LRRFIP1: variants seen among roughly 807,000 people sequenced by gnomAD.
The protein encoded by LRRFIP1 is leucine-rich repeat flightless-interacting protein 1.
LRRFIP1 carries 62 observed loss-of-function variants against 104.4 expected under a neutral mutation model. That is an observed-to-expected ratio of 0.59 (90% CI 0.48 to 0.73). The LOEUF is 0.73. Among genes scored for constraint, LRRFIP1 ranks in the 30% least tolerant of loss-of-function variants. LRRFIP1 has a pLI of 0.00. For synonymous variants in LRRFIP1, 300 were observed against 299.0 expected (o/e 1.00, Z -0.03); for missense variants, 796 against 824.5 (o/e 0.97, Z 0.42).
In LRRFIP1 at chr2:237,676,331, GTCCTTTT is replaced by G. The variant is rs2091157129; in HGVS notation, c.97-32211_97-32205del. 2.5e-4 allele frequency among the ~76,000 whole-genome samples: 38 copies of G among 152,198 alleles called. No individual in the cohort carries two copies. In the South Asian group the frequency reaches 7.5e-3, roughly 30 times the overall value. On this transcript the variant is annotated intron_variant, in intron 1 of 23. Coordinates refer to ENST00000308482, the MANE Select transcript of LRRFIP1 (RefSeq NM_001137550.2). ...GCATGACACCAGCCTGCCTTCTTTCGTCCTTTTTAAAAAATTAGACCAGAAACTGTTG... is the reference window on the plus strand; with the variant it reads ...GCATGACACCAGCCTGCCTTCTTTCGTAAAAAATTAGACCAGAAACTGTTG...
intron 6 of LRRFIP1, chr2:237,721,062 T>G: frequency 2.1e-6 from 1 of 475,684 alleles, no homozygotes; most frequent in Middle Eastern, 3.1e-4. Context: ...AGTCATCTTT[T>G]TTTCAATACT....
At chr2:237,659,700 C>T (rs952524296) in intron 1 of LRRFIP1, among the ~76,000 whole-genome samples, 15 of 151,290 alleles carry the variant, frequency 9.9e-5, no homozygotes, top group Middle Eastern at 3.5e-3. Flanking sequence ...TAGAGTACAG[C>T]GGTGCGATCA....
chr2:237,745,231 G>A (rs549673860), intron 11 of LRRFIP1, among the ~76,000 whole-genome samples: 224 of 152,342 alleles, frequency 1.5e-3, no homozygotes, highest in African/African-American at 3.2e-3. Context: ...GGCTTTCCAC[G>A]GGGCTGAATA....
intron 1 of LRRFIP1, chr2:237,692,389 C>T: frequency 7.1e-7 from 1 of 1,408,924 alleles, no homozygotes; most frequent in Non-Finnish European, 9.3e-7. Context: ...CTGGCCCGGC[C>T]CGCGAGGGGC....
At chr2:237,750,802 C>T (rs1332842237) in intron 13 of LRRFIP1, among the ~76,000 whole-genome samples, 1 of 152,116 alleles carries the variant, frequency 6.6e-6, no homozygotes, top group Non-Finnish European at 1.5e-5. Flanking sequence ...AGACTTGGAG[C>T]TCCATAAATG....
chr2:237,748,895 A>G (rs1028409062), intron 12 of LRRFIP1, among the ~76,000 whole-genome samples: 1 of 152,210 alleles, frequency 6.6e-6, no homozygotes, highest in African/African-American at 2.4e-5. Flanking sequence ...ACAGTTCCGC[A>G]TGGCTGGGGA....
intron 21 of LRRFIP1, 72 bp from the exon 22 acceptor site, chr2:237,772,794 C>A: frequency 2.0e-6 from 2 of 1,018,370 alleles, no homozygotes; most frequent in South Asian, 1.3e-5. Flanking sequence ...GGGCTTGGTT[C>A]CCAGTAACTA....
chr2:237,667,233 G>A (rs2089559795), intron 1 of LRRFIP1, among the ~76,000 whole-genome samples: 1 of 152,130 alleles, frequency 6.6e-6, no homozygotes, highest in Admixed American at 6.5e-5. Flanking sequence ...CTGTGACCAT[G>A]TGCTTTCACT....
At position 237,692,045 on chromosome 2, in the gene LRRFIP1, G is replaced by C. The variant is rs1469208871; in HGVS notation, c.97-16499G>C. ...GACCCTCCGAGGCGGAGCGGCGCAG[G>C]GGGGCGGGGAAGGCGGGTCATGGGG... On this transcript the variant is annotated intron_variant, in intron 1 of 23. Transcript: ENST00000308482. The C allele has an allele frequency of 3.8e-4, 127 of 337,680 alleles. 1 individual carries two copies. Among genetic ancestry groups the C allele is most frequent in the East Asian group, 9.0e-4 (5 of 5,542 alleles). The allele number at this position is 337,680 out of a possible 1,614,324, so 20.9% of individuals were successfully genotyped here. A position where few individuals can be genotyped will look rare whatever the true frequency, so the allele number is the denominator to read the frequency against.
intron 8 of LRRFIP1, among the ~76,000 whole-genome samples, chr2:237,730,389 T>C (rs1327608461): frequency 6.6e-6 from 1 of 152,170 alleles, no homozygotes; most frequent in Non-Finnish European, 1.5e-5. Context: ...CTAAGGCTTG[T>C]TGGTGTTTGT....
chr2:237,738,972 G>A (rs1386050141), intron 10 of LRRFIP1, among the ~76,000 whole-genome samples: 1 of 152,228 alleles, frequency 6.6e-6, no homozygotes, highest in Non-Finnish European at 1.5e-5. Context: ...AATTGAACGG[G>A]TGCTTTGTGT....
At chr2:237,762,553 T>G (rs3739044) in intron 19 of LRRFIP1, 9 of 1,425,798 alleles carry the variant, frequency 6.3e-6, no homozygotes, top group Non-Finnish European at 8.6e-6. Context: ...ATGTAGATTA[T>G]GTGGCCGCCA....
Position 237,723,529 on chromosome 2 carries a change from G to A in LRRFIP1, c.346-19G>A, listed in dbSNP as rs1183890944. 6.3e-7 allele frequency: 1 copy of A among 1,587,794 alleles called. No individual in the cohort carries two copies. The highest frequency in any genetic ancestry group is 8.6e-7 in the Non-Finnish European group (1 of 1,165,510). Reference sequence around the variant, plus strand: ...CTCTTTGCTGTTGTTTTTTTTTTCTGCCATCTTTCTTCTGACAGTCGCAGC... The same window carrying A: ...CTCTTTGCTGTTGTTTTTTTTTTCTACCATCTTTCTTCTGACAGTCGCAGC... On this transcript the variant is annotated intron_variant, in intron 6 of 23. Coordinates refer to ENST00000308482, the MANE Select transcript of LRRFIP1 (RefSeq NM_001137550.2).
At chr2:237,712,982 G>A (rs565547988) in intron 2 of LRRFIP1, among the ~76,000 whole-genome samples, 2 of 152,308 alleles carry the variant, frequency 1.3e-5, no homozygotes, top group East Asian at 1.9e-4. Flanking sequence ...TGTAAAAATT[G>A]AGAAACCTGA....
rs752146212 is a variant in LRRFIP1 at position 237,661,674 on chromosome 2, C to A, written c.96+33934C>A. On this transcript the variant is annotated intron_variant, in intron 1 of 23. Transcript: ENST00000308482. The surrounding 1 kb of genome is among the most constrained non-coding windows in gnomAD (Gnocchi z 4.4). ...CAGAGCCATGCACGTTCCGAAAGCA[C>A]ATTCCAGGGGGACAGTTGTGTCCCT... 3.9e-5 allele frequency among the ~76,000 whole-genome samples: 6 copies of A among 152,232 alleles called. No homozygotes were observed. Among genetic ancestry groups the A allele is most frequent in the African/African-American group, 1.2e-4 (5 of 41,460 alleles).
intron 1 of LRRFIP1, among the ~76,000 whole-genome samples, chr2:237,650,480 G>A (rs1480624705): frequency 6.6e-6 from 1 of 152,132 alleles, no homozygotes; most frequent in African/African-American, 2.4e-5. Flanking sequence ...ATTCCTCCTC[G>A]CACTGTGTGG....
At chr2:237,690,723 C>A (rs10210629) in intron 1 of LRRFIP1, among the ~76,000 whole-genome samples, 11,905 of 140,242 alleles carry the variant, frequency 0.085, 1,416 homozygotes, top group African/African-American at 0.29. Context: ...GGCGACAGAG[C>A]GAGACTCCAT....
intron 1 of LRRFIP1, among the ~76,000 whole-genome samples, chr2:237,675,126 T>C (rs1164294599): frequency 7.2e-5 from 11 of 152,196 alleles, no homozygotes; most frequent in Non-Finnish European, 1.2e-4. Flanking sequence ...CACCAGTCCC[T>C]CCTGAGCCCC....
rs56026626 is a variant in LRRFIP1, at chr2:237,757,664, C to T, written c.1224+116C>T. ...TGTCTGAGTATGCATGCAACTCCCA[C>T]GTGACACAAAGTCGTATTAATTTAT... On this transcript the variant is annotated intron_variant, in intron 17 of 23. Coordinates refer to ENST00000308482, the MANE Select transcript of LRRFIP1 (RefSeq NM_001137550.2). 2.1e-3 allele frequency: 1,485 copies of T among 701,012 alleles called. 3 individuals are homozygous for T. The highest frequency in any genetic ancestry group is 5.7e-3 in the Admixed American group (208 of 36,740). The allele number at this position is 701,012 out of a possible 1,614,324, so 43.4% of individuals were successfully genotyped here.
Sources: allele counts gnomAD v4.1 joint callset (sites outside exome capture counted in the v4.1 genomes callset), GRCh38; gene constraint gnomAD v4.1.1; non-coding constraint Gnocchi (gnomAD v3.1); transcripts MANE v1.5; gene names NCBI Gene and HGNC (gene_info 2026-07-23, HGNC 2026-07-21).